CDH13: variants seen among roughly 807,000 people sequenced by gnomAD.
CDH13 encodes cadherin 13.
Under a neutral mutation model 63.8 loss-of-function variants are expected in CDH13, and 24 were observed. That is an observed-to-expected ratio of 0.38 (90% confidence interval 0.27 to 0.53). CDH13 has a LOEUF of 0.53. Ranked by LOEUF, CDH13 falls within the 20% of genes least tolerant of loss-of-function variation. CDH13 has a pLI of 0.85. For missense variants in CDH13, 1,049 were observed against 903.1 expected, an observed-to-expected ratio of 1.16 and a Z score of -2.07; for synonymous variants, 503 against 355.3, an observed-to-expected ratio of 1.42 and a Z score of -4.67.
At chr16:83,308,160 T>A (rs977119727) in intron 5 of CDH13, among the ~76,000 whole-genome samples, 1 of 152,110 alleles carries the variant, frequency 6.6e-6, no homozygotes, top group Non-Finnish European at 1.5e-5. Flanking sequence ...TTCAATATAT[T>A]TTTTTTGTTG....
chr16:83,216,076 C>G (rs1425933109), intron 4 of CDH13, among the ~76,000 whole-genome samples: 24 of 151,682 alleles, frequency 1.6e-4, no homozygotes, highest in Admixed American at 1.6e-3. Flanking sequence ...CAAAACTTTC[C>G]AGACTCTTCC....
intron 6 of CDH13, among the ~76,000 whole-genome samples, chr16:83,475,609 T>A (rs903726171): frequency 6.6e-6 from 1 of 152,178 alleles, no homozygotes; most frequent in African/African-American, 2.4e-5. Context: ...TGAGACAGGG[T>A]CTCTCTCTGT....
At chr16:83,051,170 A>G (rs2030291266) in intron 3 of CDH13, among the ~76,000 whole-genome samples, 1 of 152,188 alleles carries the variant, frequency 6.6e-6, no homozygotes, top group Non-Finnish European at 1.5e-5. Flanking sequence ...CAGTCTTCCC[A>G]TGCTTACTGA....
chr16:83,784,491 C>T (rs2151013173), intron 13 of CDH13, among the ~76,000 whole-genome samples: 1 of 151,988 alleles, frequency 6.6e-6, no homozygotes, highest in African/African-American at 2.4e-5. Flanking sequence ...AATTAGCCAG[C>T]CATGGTGGCA....
chr16:83,722,144 C>T (rs1041575868), intron 10 of CDH13, among the ~76,000 whole-genome samples: 8 of 152,050 alleles, frequency 5.3e-5, no homozygotes, highest in Admixed American at 5.2e-4. Context: ...TGAAAGGTGC[C>T]CACAGTATTC....
intron 7 of CDH13, among the ~76,000 whole-genome samples, chr16:83,602,107 C>CAAAAAAAAAAAAAAA (rs869202510): frequency 2.5e-4 from 2 of 7,956 alleles, no homozygotes; most frequent in African/African-American, 8.0e-4. Context: ...AGAACAACAA[C>CAAAAAAAAAAAAAAA]AAAAAAAAAA....
intron 1 of CDH13, among the ~76,000 whole-genome samples, chr16:82,688,706 C>G (rs954120792): frequency 3.3e-5 from 5 of 152,150 alleles, no homozygotes; most frequent in Admixed American, 6.5e-5. Context: ...TTCAATTATT[C>G]TTACCTTCAT....
chr16:83,475,945 A>T (rs545472554), intron 6 of CDH13, among the ~76,000 whole-genome samples: 222 of 152,284 alleles, frequency 1.5e-3, no homozygotes, highest in African/African-American at 5.1e-3. Flanking sequence ...GATATAAATG[A>T]TAGCGACAAT....
intron 10 of CDH13, among the ~76,000 whole-genome samples, chr16:83,683,182 T>C (rs1356910741): frequency 6.6e-6 from 1 of 152,236 alleles, no homozygotes; most frequent in African/African-American, 2.4e-5. Flanking sequence ...AAGCCTGGGT[T>C]ATTAAGACTT....
chr16:82,784,392 C>T (rs945575986), intron 1 of CDH13, among the ~76,000 whole-genome samples: 4 of 152,182 alleles, frequency 2.6e-5, no homozygotes, highest in Admixed American at 6.5e-5. Context: ...CACCTACCAG[C>T]AAGGGCAATG....
intron 4 of CDH13, among the ~76,000 whole-genome samples, chr16:83,155,779 A>C (rs1170317158): frequency 6.6e-6 from 1 of 152,190 alleles, no homozygotes; most frequent in African/African-American, 2.4e-5. Context: ...AGATGATATA[A>C]ATACAGTGTA....
intron 1 of CDH13, among the ~76,000 whole-genome samples, chr16:82,637,302 A>G (rs1319991508): frequency 1.3e-5 from 2 of 151,944 alleles, no homozygotes; most frequent in African/African-American, 2.4e-5. Flanking sequence ...GAACGTGTCT[A>G]TCTTGTTTTT....
chr16:83,131,144 C>G (rs939083704), intron 4 of CDH13, among the ~76,000 whole-genome samples: 1 of 150,350 alleles, frequency 6.7e-6, no homozygotes, highest in Non-Finnish European at 1.5e-5. Flanking sequence ...CACTGCTACT[C>G]ACTTAGATAG....
At chr16:83,220,072 C>T (rs763368364) in intron 5 of CDH13, among the ~76,000 whole-genome samples, 1 of 152,198 alleles carries the variant, frequency 6.6e-6, no homozygotes, top group Non-Finnish European at 1.5e-5. Flanking sequence ...GACTGGGGCC[C>T]AGCCCTTGGC....
chr16:83,180,009 T>A (rs1225742805), intron 4 of CDH13, among the ~76,000 whole-genome samples: 1 of 152,196 alleles, frequency 6.6e-6, no homozygotes, highest in Non-Finnish European at 1.5e-5. Flanking sequence ...GGCCACTGTT[T>A]GTAGCTTTTA....
At chr16:82,955,338 A>G (rs1044649622) in intron 2 of CDH13, among the ~76,000 whole-genome samples, 1 of 152,238 alleles carries the variant, frequency 6.6e-6, no homozygotes, top group African/African-American at 2.4e-5. Context: ...TAAAACATTC[A>G]AGAAGGATGT....
At chr16:83,383,396 C>T (rs781698609) in intron 6 of CDH13, among the ~76,000 whole-genome samples, 20 of 152,150 alleles carry the variant, frequency 1.3e-4, no homozygotes, top group Middle Eastern at 3.2e-3. Flanking sequence ...TCCAGATCAT[C>T]GATCTTGTGA....
intron 1 of CDH13, among the ~76,000 whole-genome samples, chr16:82,804,500 A>G (rs1597643845): frequency 6.6e-6 from 1 of 152,172 alleles, no homozygotes; most frequent in African/African-American, 2.4e-5. Flanking sequence ...AGAAAAAGAA[A>G]TAAAAACGTT....
chr16:83,256,762 A>G lies in CDH13; in HGVS notation c.636+39265A>G, dbSNP rs527566791. Among the ~76,000 whole-genome samples, 242 of 147,628 alleles carry G rather than the reference A, an allele frequency of 1.6e-3. 2 individuals carry two copies. Among genetic ancestry groups the G allele is most frequent in the South Asian group, 5.2e-3 (24 of 4,630 alleles). ...TGGGAGGCTGAGGCAGGAGAATGGC[A>G]TGAACCCAGGAGGCGGAGCTTGCAG... is the stretch of plus-strand genomic sequence containing the variant. On this transcript the variant is annotated intron_variant, in intron 5 of 13. Coordinates refer to ENST00000567109, the MANE Select transcript of CDH13 (RefSeq NM_001257.5).
Sources: allele counts gnomAD v4.1 joint callset (sites outside exome capture counted in the v4.1 genomes callset), GRCh38; gene constraint gnomAD v4.1.1; transcripts MANE v1.5; gene names NCBI Gene and HGNC (gene_info 2026-07-23, HGNC 2026-07-21).